The following CDIN1 variants were observed in gnomAD, a reference collection of about 807,000 sequenced individuals.
The protein encoded by CDIN1 is CDAN1 interacting nuclease 1.
In CDIN1, 33 loss-of-function variants were observed where a neutral mutation model predicts 45.3. That is an observed-to-expected ratio of 0.73 (90% CI 0.55 to 0.97). CDIN1 has a LOEUF of 0.97. Ranked by LOEUF, CDIN1 falls within the 50% of genes least tolerant of loss-of-function variation. The probability of loss-of-function intolerance (pLI) is 0.00; values close to 1 mark genes in which losing one functional copy is unlikely to be tolerated. For synonymous variants in CDIN1, 118 were observed against 124.4 expected (o/e 0.95, Z 0.34); for missense variants, 303 against 339.4 (o/e 0.89, Z 0.84).
At chr15:36,683,187 CT>C (rs1185805808) in intron 5 of CDIN1, among the ~76,000 whole-genome samples, 1 of 151,978 alleles carries the variant, frequency 6.6e-6, no homozygotes, top group African/African-American at 2.4e-5. Flanking sequence ...CCTAGGTTTT[CT>C]TCTAGGGTTT....
chr15:36,637,045 C>G (rs1251579335), intron 1 of CDIN1, among the ~76,000 whole-genome samples: 1 of 152,054 alleles, frequency 6.6e-6, no homozygotes, highest in African/African-American at 2.4e-5. Context: ...TTGAATGTAC[C>G]TGGTTTAGCT....
chr15:36,739,266 A>G (rs767455905), intron 10 of CDIN1, among the ~76,000 whole-genome samples: 1 of 152,214 alleles, frequency 6.6e-6, no homozygotes, highest in African/African-American at 2.4e-5. Context: ...AAAGCCAGAC[A>G]TAGTGGCATG....
intron 3 of CDIN1, among the ~76,000 whole-genome samples, chr15:36,651,645 T>C (rs2040580315): frequency 6.6e-6 from 1 of 152,180 alleles, no homozygotes; most frequent in South Asian, 2.1e-4. Context: ...ATGTTCAATG[T>C]ATGTGGCACC....
At chr15:36,765,875 G>A (rs2053910762) in intron 10 of CDIN1, among the ~76,000 whole-genome samples, 2 of 152,032 alleles carry the variant, frequency 1.3e-5, no homozygotes, top group South Asian at 4.2e-4. Context: ...GCTTTATTTT[G>A]GGGATTTGTG....
At chr15:36,669,691 G>A (rs542775985) in intron 5 of CDIN1, among the ~76,000 whole-genome samples, 2 of 152,168 alleles carry the variant, frequency 1.3e-5, no homozygotes, top group African/African-American at 4.8e-5. Context: ...CTCCTCTGGT[G>A]TGTGAAAGCA....
Position 36,645,494 on chromosome 15 carries a change from T to TTGTGTG in CDIN1, c.212+240_212+245dup, listed in dbSNP as rs57349735. 9.6e-3 allele frequency among the ~76,000 whole-genome samples: 1,374 copies of TTGTGTG among 143,444 alleles called. 9 individuals are homozygous for TTGTGTG. The highest frequency in any genetic ancestry group is 0.019 in the South Asian group (83 of 4,264). 94.1% of individuals were successfully genotyped at this position (143,444 alleles called of 152,430 possible). A position where few individuals can be genotyped will look rare whatever the true frequency, so the allele number is the denominator to read the frequency against. Reference sequence around the variant, plus strand: ...AAGAGTATGGTAAGGCTGTCTTGACTTGTGTGTGTGTGTGTGTGTGTGTGT... The same window carrying TTGTGTG: ...AAGAGTATGGTAAGGCTGTCTTGACTTGTGTGTGTGTGTGTGTGTGTGTGTGTGTGT... On this transcript the variant is annotated intron_variant, in intron 3 of 10. Transcript: ENST00000566621.
At chr15:36,601,327 T>C (rs1388004621) in intron 1 of CDIN1, among the ~76,000 whole-genome samples, 2 of 152,194 alleles carry the variant, frequency 1.3e-5, no homozygotes, top group Admixed American at 1.3e-4. Flanking sequence ...AGATTTGTCC[T>C]TTTTCTATAC....
intron 5 of CDIN1, among the ~76,000 whole-genome samples, chr15:36,677,025 C>T (rs2041672934): frequency 6.6e-6 from 1 of 152,138 alleles, no homozygotes; most frequent in South Asian, 2.1e-4. Context: ...GATGTTTTCA[C>T]GGTTTACCTC....
Position 36,579,732 on chromosome 15 carries a change from G to C in CDIN1, c.-129G>C. ...TAGGGGTGTGTTTCAGGGGGGATTG[G>C]GGCAAGCCAAGCAGGCGAGGACCCG... On this transcript the variant is annotated 5_prime_UTR_variant, in exon 1 of 11. Coordinates refer to ENST00000566621, the MANE Select transcript of CDIN1 (RefSeq NM_001321759.2). The C allele has an allele frequency of 1.4e-6, 1 of 695,276 alleles. No individual in the cohort carries two copies. Among genetic ancestry groups the C allele is most frequent in the East Asian group, 2.8e-5 (1 of 36,098 alleles). The allele number at this position is 695,276 out of a possible 1,614,324, so 43.1% of individuals were successfully genotyped here.
chr15:36,804,695 CAG>C (rs1469228638), intron 10 of CDIN1: 2 of 4,840 alleles, frequency 4.1e-4, no homozygotes, highest in African/African-American at 1.6e-3. Context: ...TTTTTTTTTT[CAG>C]AGTCTTGCTC....
chr15:36,652,175 A>G (rs1040712686), intron 3 of CDIN1, among the ~76,000 whole-genome samples: 1 of 152,182 alleles, frequency 6.6e-6, no homozygotes, highest in Non-Finnish European at 1.5e-5. Context: ...ATATACCATT[A>G]TACTGTATAT....
At chr15:36,746,569 C>G (rs971970664) in intron 10 of CDIN1, among the ~76,000 whole-genome samples, 1 of 151,790 alleles carries the variant, frequency 6.6e-6, no homozygotes, top group Admixed American at 6.6e-5. Flanking sequence ...GTGCTATGTT[C>G]TCTGTTTTAA....
intron 5 of CDIN1, among the ~76,000 whole-genome samples, chr15:36,670,241 T>A (rs2041400550): frequency 6.6e-6 from 1 of 152,156 alleles, no homozygotes; most frequent in Non-Finnish European, 1.5e-5. Flanking sequence ...CCTTCTTCTC[T>A]TGTCTGTGTT....
chr15:36,753,767 A>C (rs917643828), intron 10 of CDIN1, among the ~76,000 whole-genome samples: 1 of 152,068 alleles, frequency 6.6e-6, no homozygotes, highest in African/African-American at 2.4e-5. Flanking sequence ...GCTGTTTTTG[A>C]GGTATAAGAG....
At chr15:36,741,907 T>G (rs1399295122) in intron 10 of CDIN1, among the ~76,000 whole-genome samples, 3 of 152,148 alleles carry the variant, frequency 2.0e-5, no homozygotes, top group African/African-American at 4.8e-5. Flanking sequence ...GGGAGGTACA[T>G]AACACTAGGA....
rs184550477 is a variant in CDIN1 at position 36,676,736 on chromosome 15, G to A, written c.347-14949G>A. Among the ~76,000 whole-genome samples, 356 of 152,158 alleles carry A rather than the reference G, an allele frequency of 2.3e-3. 3 individuals carry two copies. The highest frequency in any genetic ancestry group is 8.2e-3 in the African/African-American group (340 of 41,530). ...GCTTTACCTGTATCTCACCTCTCAT[G>A]TTGGGCCCCAGTGAGCCCAGAAGAG... On this transcript the variant is annotated intron_variant, in intron 5 of 10. Transcript: ENST00000566621.
intron 1 of CDIN1, among the ~76,000 whole-genome samples, chr15:36,590,728 G>A (rs199604781): frequency 1.3e-5 from 2 of 152,158 alleles, no homozygotes; most frequent in Non-Finnish European, 2.9e-5. Flanking sequence ...CTCTGAACTT[G>A]TGTTTATTCT....
intron 1 of CDIN1, among the ~76,000 whole-genome samples, chr15:36,621,871 A>ATTTTTTTT: frequency 1.9e-5 from 2 of 107,108 alleles, no homozygotes; most frequent in African/African-American, 4.1e-5. Context: ...CAACAAGTTC[A>ATTTTTTTT]GTTTTTTTTT....
chr15:36,699,716 T>C (rs1187488714), intron 8 of CDIN1, among the ~76,000 whole-genome samples: 2 of 152,180 alleles, frequency 1.3e-5, no homozygotes, highest in South Asian at 2.1e-4. Flanking sequence ...CTCTTAACAA[T>C]TGAAGGGAAA....
Sources: allele counts gnomAD v4.1 joint callset (sites outside exome capture counted in the v4.1 genomes callset), GRCh38; gene constraint gnomAD v4.1.1; transcripts MANE v1.5; gene names NCBI Gene and HGNC (gene_info 2026-07-23, HGNC 2026-07-21).